PLD5: variants seen among roughly 807,000 people sequenced by gnomAD.
PLD5 encodes the protein inactive phospholipase D5.
Under a neutral mutation model 61.1 loss-of-function variants are expected in PLD5, and 36 were observed. The observed-to-expected ratio is 0.59, with a 90% confidence interval of 0.45 to 0.78. The LOEUF (loss-of-function observed/expected upper bound fraction) is 0.78. Ranked by LOEUF, PLD5 falls within the 30% of genes least tolerant of loss-of-function variation. The pLI is 0.00. For synonymous variants in PLD5, 243 were observed against 242.8 expected, an observed-to-expected ratio of 1.00 and a Z score of -0.01; for missense variants, 515 against 644.4, an observed-to-expected ratio of 0.80 and a Z score of 2.17.
chr1:242,172,273 G>A (rs1666806964), intron 5 of PLD5, among the ~76,000 whole-genome samples: 2 of 152,194 alleles, frequency 1.3e-5, no homozygotes, highest in South Asian at 4.1e-4. Flanking sequence ...GCTCCTGAAT[G>A]ACTACTGGGT....
intron 2 of PLD5, among the ~76,000 whole-genome samples, chr1:242,319,149 G>GA (rs1467282010): frequency 6.6e-6 from 1 of 152,030 alleles, no homozygotes; most frequent in Non-Finnish European, 1.5e-5. Flanking sequence ...CAAAATTAAA[G>GA]AAAAATAACC....
chr1:242,130,365 T>G (rs1381326057), intron 5 of PLD5, among the ~76,000 whole-genome samples: 1 of 152,232 alleles, frequency 6.6e-6, no homozygotes, highest in Non-Finnish European at 1.5e-5. Context: ...TGATGAATAC[T>G]TTGATTCCAC....
At chr1:242,321,120 A>C (rs1412087749) in intron 2 of PLD5, among the ~76,000 whole-genome samples, 1 of 152,182 alleles carries the variant, frequency 6.6e-6, no homozygotes, top group African/African-American at 2.4e-5. Flanking sequence ...GAGACCCAGC[A>C]AACAGAAGTA....
rs7515861 is a variant in PLD5 at position 242,121,577 on chromosome 1, C to T, written c.933+2891G>A. ...AACTAGAAATATCATTTGACCCAGC[C>T]GTCCCATTGCTGGGTATATACCCAA... On this transcript the variant is annotated intron_variant, in intron 6 of 9. Coordinates refer to ENST00000536534, the MANE Select transcript of PLD5 (RefSeq NM_001372062.1). Among the ~76,000 whole-genome samples, 423 of 152,140 alleles carry T rather than the reference C, an allele frequency of 2.8e-3. 2 individuals carry two copies. The highest frequency in any genetic ancestry group is 8.9e-3 in the African/African-American group (369 of 41,516).
At chr1:242,485,825 C>T (rs957910483) in intron 1 of PLD5, among the ~76,000 whole-genome samples, 32 of 152,258 alleles carry the variant, frequency 2.1e-4, no homozygotes, top group African/African-American at 7.7e-4. Flanking sequence ...TACTACAAGG[C>T]TACAGTAAGC....
At chr1:242,188,363 AGT>A (rs1668039869) in intron 5 of PLD5, among the ~76,000 whole-genome samples, 1 of 152,220 alleles carries the variant, frequency 6.6e-6, no homozygotes, top group African/African-American at 2.4e-5. Context: ...TTTCCCCATG[AGT>A]GTGCAGAAGG....
chr1:242,306,801 C>T (rs188486485), intron 2 of PLD5, among the ~76,000 whole-genome samples: 504 of 27,836 alleles, frequency 0.018, 11 homozygotes, highest in Non-Finnish European at 0.014. Flanking sequence ...ACCCCACTTA[C>T]GCAAACAAAC....
chr1:242,325,534 T>C (rs1285860434), intron 2 of PLD5, among the ~76,000 whole-genome samples: 1 of 151,964 alleles, frequency 6.6e-6, no homozygotes, highest in East Asian at 1.9e-4. Flanking sequence ...AGTCTTGCTC[T>C]GTCGCCAGGC....
intron 6 of PLD5, among the ~76,000 whole-genome samples, chr1:242,117,688 T>C (rs1200440503): frequency 6.6e-6 from 1 of 152,160 alleles, no homozygotes; most frequent in Non-Finnish European, 1.5e-5. Flanking sequence ...AATGAAGTTG[T>C]TTTTAAATCT....
chr1:242,313,235 T>C (rs1274662091), intron 2 of PLD5, among the ~76,000 whole-genome samples: 1 of 152,256 alleles, frequency 6.6e-6, no homozygotes, highest in African/African-American at 2.4e-5. Flanking sequence ...GCCTTAATTA[T>C]GCTTTAATCA....
At chr1:242,376,346 C>T (rs535338701) in intron 1 of PLD5, among the ~76,000 whole-genome samples, 1 of 152,262 alleles carries the variant, frequency 6.6e-6, no homozygotes, top group South Asian at 2.1e-4. Flanking sequence ...AAAGGCACGC[C>T]CACACTGGAG....
chr1:242,114,127 T>A, intron 6 of PLD5, 101 bp from the exon 7 acceptor site: 2 of 1,331,106 alleles, frequency 1.5e-6, no homozygotes, highest in Non-Finnish European at 2.0e-6. Context: ...GTAACTATAT[T>A]TTTGCAAACC....
chr1:242,472,717 C>T (rs1667480393), intron 1 of PLD5, among the ~76,000 whole-genome samples: 1 of 152,028 alleles, frequency 6.6e-6, no homozygotes, highest in Non-Finnish European at 1.5e-5. Flanking sequence ...CTATTTTTGA[C>T]AAAAAATAAA....
intron 1 of PLD5, among the ~76,000 whole-genome samples, chr1:242,368,081 T>C (rs750679854): frequency 2.6e-5 from 4 of 152,114 alleles, no homozygotes; most frequent in East Asian, 1.9e-4. Context: ...ACTCAACTCA[T>C]TGTAAACAGT....
At chr1:242,380,149 G>A (rs2149254629) in intron 1 of PLD5, among the ~76,000 whole-genome samples, 1 of 152,242 alleles carries the variant, frequency 6.6e-6, no homozygotes, top group Admixed American at 6.5e-5. Flanking sequence ...AACATTTAGG[G>A]AAATTCTTCA....
Position 242,442,598 on chromosome 1 carries a change from C to G in PLD5, c.189+81490G>C, listed in dbSNP as rs139280236. ...TATTCTTTGAGCGGGGTGCTAATTACAAGATTGTGTTCATTTTGCAAAAAT... is the reference window on the plus strand; with the variant it reads ...TATTCTTTGAGCGGGGTGCTAATTAGAAGATTGTGTTCATTTTGCAAAAAT... On this transcript the variant is annotated intron_variant, in intron 1 of 9. Transcript: ENST00000536534. Among the ~76,000 whole-genome samples the G allele has an allele frequency of 5.5e-3, 833 of 152,246 alleles. 6 individuals carry two copies. Among genetic ancestry groups the G allele is most frequent in the Non-Finnish European group, 7.6e-3 (520 of 68,012 alleles).
In PLD5 at chr1:242,089,550, A is replaced by G. The variant is rs975455777; in HGVS notation, c.*304T>C. 4.8e-5 allele frequency: 25 copies of G among 518,144 alleles called. No individual in the cohort carries two copies. Among genetic ancestry groups the G allele is most frequent in the Middle Eastern group, 5.0e-4 (1 of 1,998 alleles). The allele number at this position is 518,144 out of a possible 1,614,324, so 32.1% of individuals were successfully genotyped here. On this transcript the variant is annotated 3_prime_UTR_variant, in exon 10 of 10. Transcript: ENST00000536534. ...CTAACAACTGACCGGGTAGGTCAGC[A>G]GAAAAAGTTCTAAAACTAGAAAGGA...
rs552076772 is a variant in PLD5 at position 242,450,922 on chromosome 1, C to T, written c.189+73166G>A. 2.6e-5 allele frequency among the ~76,000 whole-genome samples: 4 copies of T among 152,260 alleles called. No individual in the cohort carries two copies. The South Asian group carries it at 8.3e-4, about 32-fold the overall frequency. ...GTTACATGAATTCAGTAAGTGAATACTCTGAAACTCTGGAGTGTTTAACAC... is the reference window on the plus strand; with the variant it reads ...GTTACATGAATTCAGTAAGTGAATATTCTGAAACTCTGGAGTGTTTAACAC... On this transcript the variant is annotated intron_variant, in intron 1 of 9. Coordinates refer to ENST00000536534, the MANE Select transcript of PLD5 (RefSeq NM_001372062.1).
intron 2 of PLD5, chr1:242,345,792 G>A (rs1267345788): frequency 4.0e-6 from 2 of 505,696 alleles, no homozygotes; most frequent in East Asian, 6.7e-5. Flanking sequence ...TAGGGTATAA[G>A]GAAATGCAGC....
Sources: allele counts gnomAD v4.1 joint callset (sites outside exome capture counted in the v4.1 genomes callset), GRCh38; gene constraint gnomAD v4.1.1; transcripts MANE v1.5; gene names NCBI Gene and HGNC (gene_info 2026-07-23, HGNC 2026-07-21).